The following SLC22A16 variants were observed in gnomAD, a reference collection of about 807,000 sequenced individuals.
The protein encoded by SLC22A16 is solute carrier family 22 member 16, also known as WUGSC:RG331P03.1.
In SLC22A16, 53 loss-of-function variants were observed where a neutral mutation model predicts 52.9. The observed-to-expected ratio is 1.00, with a 90% CI of 0.80 to 1.26. The LOEUF (loss-of-function observed/expected upper bound fraction) is 1.26. SLC22A16 is among the 50% of genes most tolerant of loss of function. The probability of loss-of-function intolerance (pLI) is 0.00; values close to 1 mark genes in which losing one functional copy is unlikely to be tolerated. For synonymous variants in SLC22A16, 291 were observed against 268.8 expected, an observed-to-expected ratio of 1.08 and a Z score of -0.81; for missense variants, 726 against 704.0, an observed-to-expected ratio of 1.03 and a Z score of -0.35.
chr6:110,450,948 T>C (rs1219685529), intron 2 of SLC22A16, among the ~76,000 whole-genome samples: 1 of 152,216 alleles, frequency 6.6e-6, no homozygotes, highest in Non-Finnish European at 1.5e-5. Flanking sequence ...CTCTTGTTTT[T>C]TGTTTCATTT....
chr6:110,428,642 A>G (rs1774371240), intron 7 of SLC22A16, among the ~76,000 whole-genome samples: 1 of 152,254 alleles, frequency 6.6e-6, no homozygotes, highest in Admixed American at 6.5e-5. Context: ...TAGGCAGGGC[A>G]TGGTGGTTTA....
chr6:110,476,387 C>T (rs1300294998), intron 1 of SLC22A16, 135 bp downstream of exon 1: 3 of 1,380,602 alleles, frequency 2.2e-6, no homozygotes, highest in African/African-American at 3.0e-5. Flanking sequence ...CGCCCGTGTC[C>T]CGACTGCGCG....
Position 110,438,815 on chromosome 6 carries a change from A to G in SLC22A16, c.1216T>C (p.Cys406Arg), listed in dbSNP as rs777317119. 4 of 1,614,150 alleles carry G rather than the reference A, an allele frequency of 2.5e-6. No homozygotes were observed. The highest frequency in any genetic ancestry group is 2.5e-6 in the Non-Finnish European group (3 of 1,179,998). ...VVEIPAYTFV[C>R]IAMDKVGRRT... ...CTCCCGACCTTGTCCATGGCGATGC[A>G]CACGAAGGTGTAGGCGGGAATTTCC... Residue 406 changes from cysteine to arginine, a missense_variant, in exon 5 of 8, where the codon TGC becomes CGC. By Grantham distance (180) the Cys-to-Arg change is radical. Coordinates refer to ENST00000368919, the MANE Select transcript of SLC22A16 (RefSeq NM_033125.4).
chr6:110,455,124 T>C (rs958354670), intron 2 of SLC22A16, among the ~76,000 whole-genome samples: 4 of 146,348 alleles, frequency 2.7e-5, no homozygotes, highest in African/African-American at 5.1e-5. Flanking sequence ...TATGTCTATA[T>C]AACTATACCA....
rs745891340 is a variant in SLC22A16, at chr6:110,442,546, CA to C, written c.880del (p.Trp294GlyfsTer14). 1.2e-6 allele frequency: 2 copies of C among 1,613,948 alleles called. No homozygotes were observed. Among genetic ancestry groups the C allele is most frequent in the South Asian group, 1.1e-5 (1 of 91,066 alleles). ...TTCATATCGTCCCTCTGAGAGAAGC[CA>C]AAAAGGTGTCTCTGGGAGCACCCAA... ...CCWVLPETPF[W>X]LLSEGRYEEA... On this transcript the variant is annotated frameshift_variant, in exon 4 of 8. Transcript: ENST00000368919. LOFTEE classifies it high-confidence loss of function.
At position 110,461,782 on chromosome 6, in the gene SLC22A16, C is replaced by T. The variant is rs9386901; in HGVS notation, c.54-4765G>A. 3.5e-3 allele frequency among the ~76,000 whole-genome samples: 537 copies of T among 152,258 alleles called. 27 individuals are homozygous for T. In the East Asian group the frequency reaches 0.088, roughly 25 times the overall value. ...CCAGAAACAAAGCCAAACAATCATACGCAATATATACTACAGCCACACCCT... is the reference window on the plus strand; with the variant it reads ...CCAGAAACAAAGCCAAACAATCATATGCAATATATACTACAGCCACACCCT... On this transcript the variant is annotated intron_variant, in intron 1 of 7. Transcript: ENST00000368919.
In SLC22A16 at chr6:110,438,772, T is replaced by C. The variant is rs770683168; in HGVS notation, c.1259A>G (p.Tyr420Cys). The C allele has an allele frequency of 7.4e-6, 12 of 1,613,402 alleles. No individual in the cohort carries two copies. The highest frequency in any genetic ancestry group is 4.5e-5 in the East Asian group (2 of 44,850). The change falls in exon 5 of 8, where the codon TAC (tyrosine) becomes TGC (cysteine). Residue 420 changes from tyrosine (Y) to cysteine (C), a missense_variant. Tyr to Cys is a radical substitution (Grantham distance 194). Transcript: ENST00000368919. Reference sequence around the variant, plus strand: ...GGCCAGTGCACTGCAGAAAAGAGAGTAGGCCAGGACTGTTCTCCTCCCGAC... The same window carrying C: ...GGCCAGTGCACTGCAGAAAAGAGAGCAGGCCAGGACTGTTCTCCTCCCGAC... ...DKVGRRTVLA[Y>C]SLFCSALACG...
chr6:110,457,213 T>C (rs1352231836), intron 1 of SLC22A16, among the ~76,000 whole-genome samples, 196 bp from the exon 2 acceptor site: 1 of 152,196 alleles, frequency 6.6e-6, no homozygotes, highest in Non-Finnish European at 1.5e-5. Flanking sequence ...TGAGAAGGCC[T>C]AGAAGCAATG....
At chr6:110,444,807 T>A (rs1049588264) in intron 3 of SLC22A16, among the ~76,000 whole-genome samples, 1 of 152,226 alleles carries the variant, frequency 6.6e-6, no homozygotes, top group African/African-American at 2.4e-5. Context: ...GGACCCTACA[T>A]CTAACAATCC....
At chr6:110,461,352 G>T (rs1775875795) in intron 1 of SLC22A16, among the ~76,000 whole-genome samples, 1 of 152,192 alleles carries the variant, frequency 6.6e-6, no homozygotes, top group Non-Finnish European at 1.5e-5. Context: ...GCTGTGAAAG[G>T]GGCATGATAG....
intron 7 of SLC22A16, among the ~76,000 whole-genome samples, chr6:110,430,756 A>C (rs1023726441): frequency 6.6e-6 from 1 of 152,230 alleles, no homozygotes; most frequent in African/African-American, 2.4e-5. Context: ...TAGGCATCAC[A>C]TAATCTTTTT....
chr6:110,449,052 T>C (rs1775278626), intron 2 of SLC22A16, among the ~76,000 whole-genome samples: 1 of 152,136 alleles, frequency 6.6e-6, no homozygotes, highest in African/African-American at 2.4e-5. Flanking sequence ...TTGACAGATA[T>C]ATCAGAAGGG....
intron 1 of SLC22A16, among the ~76,000 whole-genome samples, chr6:110,461,269 G>A (rs1353402060): frequency 6.6e-6 from 1 of 152,136 alleles, no homozygotes; most frequent in East Asian, 1.9e-4. Flanking sequence ...AGCCACAATC[G>A]AAGCCTTCTC....
intron 3 of SLC22A16, 61 bp downstream of exon 3, chr6:110,446,810 TGA>T: frequency 2.1e-6 from 3 of 1,410,368 alleles, no homozygotes; most frequent in Non-Finnish European, 2.0e-6. Context: ...AGCAAAATGA[TGA>T]GAGTTAAGGT....
At chr6:110,464,215 A>G (rs1775988037) in intron 1 of SLC22A16, among the ~76,000 whole-genome samples, 2 of 152,086 alleles carry the variant, frequency 1.3e-5, no homozygotes, top group Admixed American at 6.5e-5. Flanking sequence ...AACAACCATT[A>G]ATGCCACACC....
rs887508770 is a variant in SLC22A16, at chr6:110,457,525, T to C, written c.54-508A>G. Among the ~76,000 whole-genome samples, 12 of 152,270 alleles carry C rather than the reference T, an allele frequency of 7.9e-5. No homozygotes were observed. The South Asian group carries it at 1.9e-3, about 24-fold the overall frequency. On this transcript the variant is annotated intron_variant, in intron 1 of 7. Transcript: ENST00000368919. Reference sequence around the variant, plus strand: ...ACGAGCTGTTCCATATAATAAAATATATAAAATAACAAGAGTTATGCTAGA... The same window carrying C: ...ACGAGCTGTTCCATATAATAAAATACATAAAATAACAAGAGTTATGCTAGA...
At chr6:110,447,092 A>G (rs1331451877) in intron 2 of SLC22A16, 102 bp from the exon 3 acceptor site, 1 of 846,014 alleles carries the variant, frequency 1.2e-6, no homozygotes, top group Non-Finnish European at 1.9e-6. Context: ...ATATACCTTG[A>G]ATAGCTTATG....
intron 1 of SLC22A16, among the ~76,000 whole-genome samples, chr6:110,464,521 C>T (rs1274378684): frequency 4.6e-5 from 7 of 152,020 alleles, no homozygotes; most frequent in Non-Finnish European, 8.8e-5. Flanking sequence ...ATGAACATCT[C>T]TAAGTGCACA....
At chr6:110,472,732 T>A (rs956526375) in intron 1 of SLC22A16, among the ~76,000 whole-genome samples, 2 of 152,094 alleles carry the variant, frequency 1.3e-5, no homozygotes, top group Non-Finnish European at 1.5e-5. Flanking sequence ...GTGTCATGCA[T>A]GTACCCAACC....
Sources: allele counts gnomAD v4.1 joint callset (sites outside exome capture counted in the v4.1 genomes callset), GRCh38; gene constraint gnomAD v4.1.1; transcripts MANE v1.5; gene names NCBI Gene and HGNC (gene_info 2026-07-23, HGNC 2026-07-21).